The following PDCD10 variants were observed in gnomAD, a reference collection of about 807,000 sequenced individuals.
The protein encoded by PDCD10 is programmed cell death 10.
A neutral mutation model predicts 29.2 loss-of-function variants in PDCD10; 4 were observed. That is an observed-to-expected ratio of 0.14 (90% CI 0.07 to 0.31). PDCD10 has a LOEUF of 0.31. Ranked by LOEUF, PDCD10 falls within the 10% of genes least tolerant of loss-of-function variation. PDCD10 has a pLI of 1.00. For missense variants in PDCD10, 183 were observed against 257.9 expected, an observed-to-expected ratio of 0.71 and a Z score of 1.99; for synonymous variants, 70 against 82.2, an observed-to-expected ratio of 0.85 and a Z score of 0.80.
chr3:167,733,631 A>T (rs1725049518), intron 2 of PDCD10, among the ~76,000 whole-genome samples: 1 of 152,214 alleles, frequency 6.6e-6, no homozygotes, highest in Middle Eastern at 3.2e-3. Flanking sequence ...CTTTTCTAGT[A>T]ATGGGCACAC....
At chr3:167,717,790 CAT>C (rs1723165818) in intron 3 of PDCD10, among the ~76,000 whole-genome samples, 2 of 152,030 alleles carry the variant, frequency 1.3e-5, no homozygotes, top group Non-Finnish European at 2.9e-5. Flanking sequence ...CCTTTGAATA[CAT>C]GACAGAAATA....
chr3:167,687,818 T>C (rs921597776), intron 6 of PDCD10, 125 bp from the exon 7 acceptor site: 2 of 670,018 alleles, frequency 3.0e-6, no homozygotes, highest in Non-Finnish European at 2.7e-6. Flanking sequence ...CTCTTAATTA[T>C]GTTAAGCGCA....
At chr3:167,724,175 C>A (rs1435347458) in intron 2 of PDCD10, among the ~76,000 whole-genome samples, 4 of 152,164 alleles carry the variant, frequency 2.6e-5, no homozygotes, top group African/African-American at 4.8e-5. Flanking sequence ...AGAGCCAAAG[C>A]TATTTACTAT....
intron 4 of PDCD10, among the ~76,000 whole-genome samples, chr3:167,702,693 T>C (rs1721569097): frequency 6.6e-6 from 1 of 152,234 alleles, no homozygotes; most frequent in Non-Finnish European, 1.5e-5. Context: ...ATTATTGTCG[T>C]TGCGGACCAA....
In PDCD10 at chr3:167,687,633, A is replaced by G. The variant is rs976585767; in HGVS notation, c.456T>C (p.Tyr152=). Residue 152 remains tyrosine (Y), a synonymous_variant, in exon 7 of 9, where the codon TAT becomes TAC. Coordinates refer to ENST00000392750, the MANE Select transcript of PDCD10 (RefSeq NM_007217.4). The stretch of plus-strand genomic sequence containing the variant: ...AACGTACCCTGCGGTTCTGGTATTG[A>G]TATTTCTTGAAGACATTATTCACTG... The part of the protein sequence containing the change: ...LDTVNNVFKK[Y]QYQNRRALEH... 66 of 1,594,420 alleles carry G rather than the reference A, an allele frequency of 4.1e-5. 1 individual carries two copies. In the Admixed American group the frequency reaches 1.0e-3, roughly 25 times the overall value.
chr3:167,688,323 T>G (rs1010440076), intron 6 of PDCD10, among the ~76,000 whole-genome samples: 10 of 152,184 alleles, frequency 6.6e-5, no homozygotes, highest in African/African-American at 2.4e-4. Context: ...TTTCAAACAC[T>G]TACTATCAGT....
intron 4 of PDCD10, among the ~76,000 whole-genome samples, chr3:167,702,787 A>G (rs1721579482): frequency 6.6e-6 from 1 of 152,204 alleles, no homozygotes; most frequent in African/African-American, 2.4e-5. Flanking sequence ...AAAAAATACA[A>G]GCATCTTTAC....
intron 2 of PDCD10, among the ~76,000 whole-genome samples, chr3:167,722,348 G>A (rs987380142): frequency 1.3e-5 from 2 of 152,124 alleles, no homozygotes; most frequent in African/African-American, 4.8e-5. Context: ...CCCATTAAAC[G>A]TGTTTTATAA....
chr3:167,697,065 CT>C lies in PDCD10; in HGVS notation c.211del (p.Ser71AlafsTer18), dbSNP rs2108409355. 2.5e-6 allele frequency: 4 copies of C among 1,611,922 alleles called. No homozygotes were observed. The highest frequency in any genetic ancestry group is 3.4e-6 in the Non-Finnish European group (4 of 1,178,090). ...DIIMKILEKK[S>X]VEVNFTESLL... Reference sequence around the variant, plus strand: ...GGACTCCGTGAAGTTAACTTCCACGCTTTTTTTCTCTAAAATTTTCATAATG... The same window carrying C: ...GGACTCCGTGAAGTTAACTTCCACGCTTTTTTCTCTAAAATTTTCATAATG... On this transcript the variant is annotated frameshift_variant, in exon 5 of 9. Coordinates refer to ENST00000392750, the MANE Select transcript of PDCD10 (RefSeq NM_007217.4). LOFTEE classifies it high-confidence loss of function.
chr3:167,697,575 G>A (rs1324907100), intron 4 of PDCD10, among the ~76,000 whole-genome samples: 1 of 151,928 alleles, frequency 6.6e-6, no homozygotes, highest in Admixed American at 6.6e-5. Context: ...TTTATATTAA[G>A]AGAATGCCAG....
At chr3:167,686,406 T>C (rs1719630970) in intron 8 of PDCD10, among the ~76,000 whole-genome samples, 2 of 152,180 alleles carry the variant, frequency 1.3e-5, no homozygotes, top group Non-Finnish European at 2.9e-5. Flanking sequence ...TTACAGCACT[T>C]TAAAAACATC....
chr3:167,684,518 C>T, intron 8 of PDCD10, 129 bp from the exon 9 acceptor site: 1 of 632,172 alleles, frequency 1.6e-6, no homozygotes, highest in African/African-American at 1.9e-5. Flanking sequence ...ATTATTAAAA[C>T]TTTTATTCCA....
chr3:167,691,585 C>T (rs77473251), intron 6 of PDCD10, among the ~76,000 whole-genome samples: 427 of 152,318 alleles, frequency 2.8e-3, no homozygotes, highest in African/African-American at 9.8e-3. Context: ...CTCAGGGACT[C>T]TGTAGGGGGA....
chr3:167,713,091 A>G (rs1722683183), intron 3 of PDCD10, among the ~76,000 whole-genome samples: 1 of 152,042 alleles, frequency 6.6e-6, no homozygotes, highest in South Asian at 2.1e-4. Flanking sequence ...AATCTGCACT[A>G]TAGACAAATG....
chr3:167,706,371 T>G (rs751099589), intron 3 of PDCD10, among the ~76,000 whole-genome samples: 8 of 152,206 alleles, frequency 5.3e-5, no homozygotes, highest in Non-Finnish European at 1.2e-4. Flanking sequence ...GAGAAAAATG[T>G]CATTAGGTGA....
At chr3:167,711,728 A>C (rs113487334) in intron 3 of PDCD10, among the ~76,000 whole-genome samples, 7 of 152,100 alleles carry the variant, frequency 4.6e-5, no homozygotes, top group Admixed American at 1.3e-4. Flanking sequence ...TTAATAATCA[A>C]CCCCCCAAAG....
intron 6 of PDCD10, among the ~76,000 whole-genome samples, chr3:167,690,306 A>G (rs1720084492): frequency 6.6e-6 from 1 of 152,256 alleles, no homozygotes; most frequent in African/African-American, 2.4e-5. Flanking sequence ...AATTTGCATG[A>G]TACGCATTTA....
intron 3 of PDCD10, among the ~76,000 whole-genome samples, chr3:167,711,682 A>C (rs947236200): frequency 6.6e-6 from 1 of 152,172 alleles, no homozygotes; most frequent in Non-Finnish European, 1.5e-5. Context: ...TAGAACACCA[A>C]GAAGATTTAA....
intron 2 of PDCD10, among the ~76,000 whole-genome samples, chr3:167,726,732 G>A (rs1724228999): frequency 1.3e-5 from 2 of 152,008 alleles, no homozygotes; most frequent in South Asian, 2.1e-4. Flanking sequence ...ACATGGAATC[G>A]ATTGCAACTA....
Sources: gnomAD v4.1 joint callset for allele counts (sites outside exome capture counted in the v4.1 genomes callset) on GRCh38, gnomAD v4.1.1 for gene constraint, MANE v1.5 for transcripts, NCBI Gene and HGNC (gene_info 2026-07-23, HGNC 2026-07-21) for gene names.